HDAC8: variants seen among roughly 807,000 people sequenced by gnomAD.
The protein encoded by HDAC8 is histone deacetylase-like 1.
Under a neutral mutation model 32.2 loss-of-function variants are expected in HDAC8, and 1 was observed. The observed-to-expected ratio is 0.03, with a 90% CI of 0.01 to 0.15. The LOEUF (loss-of-function observed/expected upper bound fraction) is 0.15, where lower values mean the gene tolerates loss of function less well. Among genes scored for constraint, HDAC8 ranks in the 10% least tolerant of loss-of-function variants. The pLI is 1.00. For synonymous variants in HDAC8, 108 were observed against 113.9 expected (o/e 0.95, Z 0.33); for missense variants, 117 against 300.0 (o/e 0.39, Z 4.51).
At chrX:72,470,389 T>C (rs964599407) in intron 7 of HDAC8, among the ~76,000 whole-genome samples, 5 of 111,196 alleles carry the variant, frequency 4.5e-5, no homozygotes, top group Non-Finnish European at 9.4e-5. Context: ...CTCTTTTCTC[T>C]ACCTGAAAAT....
chrX:72,442,317 T>C (rs1426966808), intron 9 of HDAC8, among the ~76,000 whole-genome samples: 3 of 111,530 alleles, frequency 2.7e-5, no homozygotes, highest in Non-Finnish European at 5.7e-5. Flanking sequence ...GGGAAGCCCA[T>C]CAGACTAACA....
intron 9 of HDAC8, among the ~76,000 whole-genome samples, chrX:72,402,052 G>A (rs782265376): frequency 9.0e-6 from 1 of 111,662 alleles, no homozygotes; most frequent in South Asian, 3.7e-4. Flanking sequence ...GGTCTATTCA[G>A]ATTTTCTTTT....
At chrX:72,549,309 C>T (rs781790541) in intron 4 of HDAC8, among the ~76,000 whole-genome samples, 1 of 109,922 alleles carries the variant, frequency 9.1e-6, no homozygotes, top group Non-Finnish European at 1.9e-5. Context: ...TTGTTCCCCC[C>T]CCGCCTTATT....
intron 4 of HDAC8, among the ~76,000 whole-genome samples, chrX:72,499,046 C>G (rs1393899979): frequency 2.7e-5 from 3 of 111,569 alleles, no homozygotes; most frequent in Non-Finnish European, 5.6e-5. Context: ...CTTGCTTCCT[C>G]TCTCACCATG....
intron 4 of HDAC8, among the ~76,000 whole-genome samples, chrX:72,556,773 A>C (rs2051295761): frequency 8.9e-6 from 1 of 112,070 alleles, no homozygotes; most frequent in African/African-American, 3.2e-5. Context: ...ATTAGACCTA[A>C]GAAATGAGAT....
At chrX:72,392,139 T>C (rs2045627204) in intron 9 of HDAC8, among the ~76,000 whole-genome samples, 1 of 112,125 alleles carries the variant, frequency 8.9e-6, no homozygotes. Context: ...GTACATCTCT[T>C]AGGTCAAGTC....
In HDAC8 at chrX:72,503,826, C is replaced by T. The variant is rs191398260; in HGVS notation, c.438-8558G>A. On this transcript the variant is annotated intron_variant, in intron 4 of 10. Coordinates refer to ENST00000373573, the MANE Select transcript of HDAC8 (RefSeq NM_018486.3). Reference sequence around the variant, plus strand: ...AGGAACTAAGGCTGACTTTATGGAGCCAATGCATACAAAGCCCTCTTGGGA... The same window carrying T: ...AGGAACTAAGGCTGACTTTATGGAGTCAATGCATACAAAGCCCTCTTGGGA... Among the ~76,000 whole-genome samples the T allele has an allele frequency of 1.4e-4, 16 of 111,789 alleles. No homozygotes were observed. In the East Asian group the frequency reaches 4.5e-3, roughly 31 times the overall value.
chrX:72,458,555 A>G (rs941747830), intron 9 of HDAC8, among the ~76,000 whole-genome samples: 2 of 111,796 alleles, frequency 1.8e-5, no homozygotes, highest in Non-Finnish European at 3.8e-5. Context: ...GAAAGGCTAG[A>G]TTACGCTTCC....
At chrX:72,566,613 G>C (rs1311212656) in intron 4 of HDAC8, among the ~76,000 whole-genome samples, 1 of 112,237 alleles carries the variant, frequency 8.9e-6, no homozygotes, top group Non-Finnish European at 1.9e-5. Context: ...TGACCTAAGA[G>C]CACCTAAGGT....
At position 72,531,280 on chromosome X, in the gene HDAC8, A is replaced by G. The variant is rs1475862140; in HGVS notation, c.438-36012T>C. ...TTTTAACTGTGGAATTACTATATAAAATCTATACTATCTAAAGAAGAAAAA... is the reference window on the plus strand; with the variant it reads ...TTTTAACTGTGGAATTACTATATAAGATCTATACTATCTAAAGAAGAAAAA... On this transcript the variant is annotated intron_variant, in intron 4 of 10. Transcript: ENST00000373573. Among the ~76,000 whole-genome samples, 6 of 111,990 alleles carry G rather than the reference A, an allele frequency of 5.4e-5. No individual in the cohort carries two copies. The East Asian group carries it at 1.7e-3, about 31-fold the overall frequency.
At chrX:72,439,168 T>TAA (rs1413451839) in intron 9 of HDAC8, among the ~76,000 whole-genome samples, 1 of 111,662 alleles carries the variant, frequency 9.0e-6, no homozygotes, top group Non-Finnish European at 1.9e-5. Context: ...TCAACATTCT[T>TAA]AAAGAAAAGA....
intron 9 of HDAC8, among the ~76,000 whole-genome samples, chrX:72,428,633 G>C (rs1167410338): frequency 8.9e-6 from 1 of 111,829 alleles, no homozygotes; most frequent in Non-Finnish European, 1.9e-5. Context: ...TGAAGGTGAG[G>C]AAAGAATGCT....
chrX:72,381,616 C>T (rs2045268557), intron 9 of HDAC8, among the ~76,000 whole-genome samples: 1 of 112,033 alleles, frequency 8.9e-6, no homozygotes. Flanking sequence ...TGGCTCATGG[C>T]AATGGTCTGA....
chrX:72,568,671 A>C, intron 3 of HDAC8, 83 bp downstream of exon 3: 2 of 1,081,972 alleles, frequency 1.8e-6, no homozygotes, highest in Non-Finnish European at 2.5e-6. Context: ...ATGATTTCTT[A>C]ACGAAAAATA....
chrX:72,366,443 T>C (rs1020866577), intron 9 of HDAC8, among the ~76,000 whole-genome samples: 1 of 112,124 alleles, frequency 8.9e-6, no homozygotes, highest in Non-Finnish European at 1.9e-5. Context: ...AAATGTTGCC[T>C]CTCTACTGTG....
chrX:72,517,089 A>G (rs1339019811), intron 4 of HDAC8, among the ~76,000 whole-genome samples: 1 of 112,518 alleles, frequency 8.9e-6, no homozygotes, highest in Non-Finnish European at 1.9e-5. Context: ...GCCTTCATGT[A>G]CATTTGTTAT....
At chrX:72,457,581 T>C (rs782238437) in intron 9 of HDAC8, among the ~76,000 whole-genome samples, 1 of 112,191 alleles carries the variant, frequency 8.9e-6, no homozygotes, top group African/African-American at 3.2e-5. Flanking sequence ...GAAATTGAAA[T>C]GAAAATACCA....
intron 4 of HDAC8, among the ~76,000 whole-genome samples, chrX:72,521,957 G>A (rs1556029042): frequency 9.0e-6 from 1 of 111,284 alleles, no homozygotes; most frequent in Admixed American, 9.6e-5. Context: ...GGCTTGCCAC[G>A]GCCTTCCCAG....
chrX:72,366,807 ACAT>A (rs2044714179), intron 9 of HDAC8, among the ~76,000 whole-genome samples: 1 of 111,470 alleles, frequency 9.0e-6, no homozygotes, highest in Non-Finnish European at 1.9e-5. Flanking sequence ...GGCTCTAGTG[ACAT>A]CATGAAAAAA....
Sources: allele counts gnomAD v4.1 joint callset (sites outside exome capture counted in the v4.1 genomes callset), GRCh38; gene constraint gnomAD v4.1.1; transcripts MANE v1.5; gene names NCBI Gene and HGNC (gene_info 2026-07-23, HGNC 2026-07-21).